The following GRID2 variants were observed in gnomAD, a reference collection of about 807,000 sequenced individuals.
GRID2 encodes glutamate receptor ionotropic, delta-2.
Under a neutral mutation model 114.8 loss-of-function variants are expected in GRID2, and 33 were observed. The ratio of observed to expected loss-of-function variants is 0.29; its 90% CI spans 0.22 to 0.38. GRID2 has a LOEUF of 0.38. Ranked by LOEUF, GRID2 falls within the 10% of genes least tolerant of loss-of-function variation. The pLI, the probability that GRID2 is intolerant of heterozygous loss-of-function variation, is 1.00. For missense variants in GRID2, 1,184 were observed against 1,257.7 expected (o/e 0.94, Z 0.89); for synonymous variants, 505 against 449.9 (o/e 1.12, Z -1.55).
At chr4:93,145,470 T>A (rs1736120964) in intron 4 of GRID2, among the ~76,000 whole-genome samples, 1 of 96,974 alleles carries the variant, frequency 1.0e-5, no homozygotes, top group African/African-American at 5.2e-5. Context: ...TTTATTTATT[T>A]ATTTTTTTTT....
intron 1 of GRID2, among the ~76,000 whole-genome samples, chr4:92,417,130 G>T (rs778550956): frequency 1.3e-5 from 2 of 151,928 alleles, no homozygotes; most frequent in African/African-American, 2.4e-5. Context: ...AAAAATAATT[G>T]TCTGCAAGTT....
At chr4:92,651,014 G>C (rs1579767637) in intron 2 of GRID2, among the ~76,000 whole-genome samples, 1 of 152,054 alleles carries the variant, frequency 6.6e-6, no homozygotes, top group South Asian at 2.1e-4. Flanking sequence ...AATTCCATGA[G>C]CATAGCCCAT....
At chr4:92,411,649 G>GTTTATATATATATATA (rs1320090236) in intron 1 of GRID2, among the ~76,000 whole-genome samples, 1 of 94,922 alleles carries the variant, frequency 1.1e-5, no homozygotes, top group African/African-American at 5.2e-5. Flanking sequence ...GTGTGTGTGT[G>GTTTATATATATATATA]TGTGTGTATA....
intron 2 of GRID2, chr4:92,702,743 A>G (rs1472706488): frequency 6.6e-6 from 1 of 151,772 alleles, no homozygotes; most frequent in African/African-American, 2.4e-5. Flanking sequence ...GTATACTGTG[A>G]ATTTATTTTT....
At chr4:93,704,975 G>C (rs1260793071) in intron 14 of GRID2, among the ~76,000 whole-genome samples, 4 of 152,116 alleles carry the variant, frequency 2.6e-5, no homozygotes, top group Admixed American at 6.5e-5. Flanking sequence ...ACCTAGGAGT[G>C]GGGTGGCTGG....
chr4:92,702,529 C>T (rs1404982339), intron 2 of GRID2: 3 of 151,926 alleles, frequency 2.0e-5, no homozygotes, highest in Non-Finnish European at 2.9e-5. Flanking sequence ...ACCCTAAAAC[C>T]CTCATCATCT....
intron 2 of GRID2, among the ~76,000 whole-genome samples, chr4:92,740,993 A>G (rs1053195751): frequency 2.6e-5 from 4 of 152,068 alleles, no homozygotes; most frequent in African/African-American, 9.7e-5. Context: ...ACCTCAGGTG[A>G]TCCACCTCCC....
intron 1 of GRID2, among the ~76,000 whole-genome samples, chr4:92,470,800 C>T (rs1454261787): frequency 1.3e-5 from 2 of 151,928 alleles, no homozygotes; most frequent in Admixed American, 6.6e-5. Flanking sequence ...ACTCATAATA[C>T]ATAGTCATTA....
chr4:92,747,737 T>G (rs749506995), intron 2 of GRID2, among the ~76,000 whole-genome samples: 1 of 152,288 alleles, frequency 6.6e-6, no homozygotes, highest in African/African-American at 2.4e-5. Context: ...CTATTAAGAA[T>G]CAAAAGCATT....
intron 2 of GRID2, among the ~76,000 whole-genome samples, chr4:92,872,536 T>TA (rs1745348563): frequency 6.6e-6 from 1 of 152,070 alleles, no homozygotes; most frequent in African/African-American, 2.4e-5. Flanking sequence ...TTTGGATGAT[T>TA]AAAAATAAGA....
chr4:92,689,224 G>A (rs1162762647), intron 2 of GRID2, among the ~76,000 whole-genome samples: 2 of 152,174 alleles, frequency 1.3e-5, no homozygotes, highest in East Asian at 3.9e-4. Context: ...TGGTAAATGA[G>A]CTTTGACACC....
intron 1 of GRID2, among the ~76,000 whole-genome samples, chr4:92,384,566 ATAATATATAAAATATAT>A (rs1208541006): frequency 0.015 from 1,085 of 74,508 alleles, 60 homozygotes; most frequent in African/African-American, 0.065. Context: ...TATATATAAT[ATAATATATAAAATATAT>A]TATATTATAT....
At chr4:92,476,748 C>G (rs562756762) in intron 1 of GRID2, among the ~76,000 whole-genome samples, 1 of 152,130 alleles carries the variant, frequency 6.6e-6, no homozygotes, top group Non-Finnish European at 1.5e-5. Context: ...ACATATATTG[C>G]ATAATGATTT....
intron 11 of GRID2, among the ~76,000 whole-genome samples, chr4:93,459,264 G>A (rs1457312938): frequency 6.8e-6 from 1 of 147,434 alleles, no homozygotes; most frequent in Non-Finnish European, 1.5e-5. Context: ...GAAAAAGAGT[G>A]AAAACATAAT....
intron 1 of GRID2, among the ~76,000 whole-genome samples, chr4:92,441,218 C>A (rs3980263): frequency 1.3e-5 from 2 of 152,030 alleles, no homozygotes; most frequent in Non-Finnish European, 2.9e-5. Flanking sequence ...AGAGATCGGT[C>A]GGACAAGATT....
At chr4:93,521,586 GACA>G (rs796699900) in intron 13 of GRID2, among the ~76,000 whole-genome samples, 3 of 152,176 alleles carry the variant, frequency 2.0e-5, no homozygotes, top group South Asian at 2.1e-4. Context: ...CTGGTGACCT[GACA>G]ACAACAGGCC....
intron 1 of GRID2, among the ~76,000 whole-genome samples, chr4:92,406,964 TA>T (rs962854511): frequency 2.0e-5 from 3 of 151,906 alleles, no homozygotes; most frequent in South Asian, 2.1e-4. Flanking sequence ...AATTTATATA[TA>T]AAAAAGGAGG....
At chr4:93,252,327 TCA>T (rs1749046245) in intron 8 of GRID2, among the ~76,000 whole-genome samples, 1 of 107,490 alleles carries the variant, frequency 9.3e-6, no homozygotes, top group African/African-American at 3.7e-5. Context: ...AGGGAATCCT[TCA>T]TTTTTTTTTT....
intron 4 of GRID2, among the ~76,000 whole-genome samples, chr4:93,145,865 TAC>T (rs10605314): frequency 0.55 from 81,714 of 147,730 alleles, 23,159 homozygotes; most frequent in African/African-American, 0.67. Flanking sequence ...CACACACACA[TAC>T]ACACACACAC....
Sources: allele counts gnomAD v4.1 joint callset (sites outside exome capture counted in the v4.1 genomes callset), GRCh38; gene constraint gnomAD v4.1.1; transcripts MANE v1.5; gene names NCBI Gene and HGNC (gene_info 2026-07-23, HGNC 2026-07-21).